The following SMYD5 variants were observed in gnomAD, a reference collection of about 807,000 sequenced individuals.
SMYD5 encodes the protein SMYD family member 5.
Under a neutral mutation model 57.4 loss-of-function variants are expected in SMYD5, and 35 were observed. The ratio of observed to expected loss-of-function variants is 0.61; its 90% CI spans 0.47 to 0.81. The LOEUF (loss-of-function observed/expected upper bound fraction) is 0.81, where lower values mean the gene tolerates loss of function less well. Ranked by LOEUF, SMYD5 falls within the 30% of genes least tolerant of loss-of-function variation. SMYD5 has a pLI of 0.00. For synonymous variants in SMYD5, 198 were observed against 189.7 expected, an observed-to-expected ratio of 1.04 and a Z score of -0.36; for missense variants, 471 against 527.9, an observed-to-expected ratio of 0.89 and a Z score of 1.06.
chr2:73,214,623 G>A lies in SMYD5; in HGVS notation c.96+261G>A, dbSNP rs557751946. ...GCCAGCCCGCGGGAGGCCCTTCTGT[G>A]GCTGCTCGGGGCGGGGCTAGGGGGC... On this transcript the variant is annotated intron_variant, in intron 1 of 12. Coordinates refer to ENST00000389501, the MANE Select transcript of SMYD5 (RefSeq NM_006062.3). The A allele has an allele frequency of 8.0e-6, 12 of 1,507,368 alleles. No individual in the cohort carries two copies. In the African/African-American group the frequency reaches 1.5e-4, roughly 19 times the overall value. 93.4% of individuals were successfully genotyped at this position (1,507,368 alleles called of 1,614,324 possible). A position where few individuals can be genotyped will look rare whatever the true frequency, so the allele number is the denominator to read the frequency against.
intron 11 of SMYD5, 166 bp from the exon 12 acceptor site, chr2:73,225,465 G>A: frequency 1.4e-6 from 1 of 695,582 alleles, no homozygotes; most frequent in Admixed American, 2.3e-5. Flanking sequence ...CCTGCCTACT[G>A]AAGGCACTGG....
In SMYD5 at chr2:73,218,957, T is replaced by C. The variant is rs2103711787; in HGVS notation, c.193T>C (p.Tyr65His). ...VAAQFLWNAL[Y>H]RYRACDHCLR... ...TGCACAGTTTCTCTGGAATGCACTT[T>C]ATCGCTACCGAGGTGAGTACATCTC... is the stretch of plus-strand genomic sequence containing the variant. The change falls in exon 2 of 13, where the codon TAT becomes CAT. Residue 65 changes from tyrosine to histidine, a missense_variant. By Grantham distance (83) the Tyr-to-His change is moderately conservative. Transcript: ENST00000389501. The C allele has an allele frequency of 6.2e-7, 1 of 1,612,840 alleles. No homozygotes were observed. The highest frequency in any genetic ancestry group is 2.2e-5 in the East Asian group (1 of 44,888).
intron 9 of SMYD5, 35 bp downstream of exon 9, chr2:73,223,567 T>C (rs895879771): frequency 7.2e-7 from 1 of 1,390,908 alleles, no homozygotes; most frequent in Non-Finnish European, 1.0e-6. Context: ...CACCCAGCCA[T>C]GGCGACCCCC....
At chr2:73,219,904 C>T (rs1325351412) in intron 2 of SMYD5, 147 bp from the exon 3 acceptor site, 1 of 917,282 alleles carries the variant, frequency 1.1e-6, no homozygotes, top group Non-Finnish European at 1.8e-6. Flanking sequence ...TTCATCCATG[C>T]ATGTAATTAT....
At chr2:73,215,445 C>T (rs542659051) in intron 1 of SMYD5, among the ~76,000 whole-genome samples, 199 of 152,256 alleles carry the variant, frequency 1.3e-3, no homozygotes, top group African/African-American at 4.7e-3. Flanking sequence ...TTCCGTGCCC[C>T]CTTTCTGCTC....
In SMYD5 at chr2:73,220,106, G is replaced by T; in HGVS notation, c.261G>T (p.Leu87=). 1 of 1,614,186 alleles carries T rather than the reference G, an allele frequency of 6.2e-7. No individual in the cohort carries two copies. Among genetic ancestry groups the T allele is most frequent in the Non-Finnish European group, 8.5e-7 (1 of 1,180,036 alleles). The part of the protein sequence containing the change: ...LEKAEENAQR[L]TGKPGQVLPH... ...AGGCAGAGGAGAATGCCCAGAGGCTGACCGGGAAACCAGGCCAGGTTCTGC... is the reference window on the plus strand; with the variant it reads ...AGGCAGAGGAGAATGCCCAGAGGCTTACCGGGAAACCAGGCCAGGTTCTGC... The change falls in exon 3 of 13, where the codon CTG becomes CTT. Residue 87 remains leucine (L), a synonymous_variant. Coordinates refer to ENST00000389501, the MANE Select transcript of SMYD5 (RefSeq NM_006062.3).
rs1407767411 is a variant in SMYD5, at chr2:73,226,957, C to T, written c.*1011C>T. On this transcript the variant is annotated 3_prime_UTR_variant, in exon 13 of 13. Coordinates refer to ENST00000389501, the MANE Select transcript of SMYD5 (RefSeq NM_006062.3). ...GTCCCCTCCTACCCCCAGATTAGCACCACCCCTCTCACTCTTGGGTTGGAT... is the reference window on the plus strand; with the variant it reads ...GTCCCCTCCTACCCCCAGATTAGCATCACCCCTCTCACTCTTGGGTTGGAT... 1.3e-5 allele frequency: 2 copies of T among 152,724 alleles called. No homozygotes were observed. The highest frequency in any genetic ancestry group is 3.9e-4 in the East Asian group (2 of 5,194). 9.5% of individuals were successfully genotyped at this position (152,724 alleles called of 1,614,324 possible). A position where few individuals can be genotyped will look rare whatever the true frequency, so the allele number is the denominator to read the frequency against.
At chr2:73,223,597 A>G in intron 9 of SMYD5, 65 bp downstream of exon 9, 1 of 1,119,524 alleles carries the variant, frequency 8.9e-7, no homozygotes, top group Non-Finnish European at 1.4e-6. Flanking sequence ...TGGTGGACAC[A>G]AAGTCTTTCC....
At chr2:73,214,574 C>A in intron 1 of SMYD5, 1 of 1,493,914 alleles carries the variant, frequency 6.7e-7, no homozygotes, top group South Asian at 1.3e-5. Context: ...AGTCTCCGTG[C>A]GCATTTCCTC....
rs754948317 is a variant in SMYD5, at chr2:73,220,709, C to T, written c.394C>T (p.His132Tyr). 1 of 1,614,072 alleles carries T rather than the reference C, an allele frequency of 6.2e-7. No homozygotes were observed. The highest frequency in any genetic ancestry group is 2.2e-5 in the East Asian group (1 of 44,892). ...ECRLAATEQY[H>Y]QVLCPGPSQD... The stretch of plus-strand genomic sequence containing the variant: ...TCGGTTGGCAGCCACTGAGCAATAC[C>T]ACCAGGTCCTGTGCCCAGGCCCCTC... Residue 132 changes from histidine to tyrosine, a missense_variant, in exon 4 of 13, where the codon CAC (histidine) becomes TAC (tyrosine). Transcript: ENST00000389501.
chr2:73,225,915 C>T lies in SMYD5; in HGVS notation c.1226C>T (p.Ala409Val). 6.2e-7 allele frequency: 1 copy of T among 1,614,072 alleles called. No homozygotes were observed. The highest frequency in any genetic ancestry group is 8.5e-7 in the Non-Finnish European group (1 of 1,179,936). Reference sequence around the variant, plus strand: ...GAGGAGGAAGGAGAGCCAGAAGATGCAGAGCTGGGGGATGAGATGACTGAT... The same window carrying T: ...GAGGAGGAAGGAGAGCCAGAAGATGTAGAGCTGGGGGATGAGATGACTGAT... ...EEEEEGEPED[A>V]ELGDEMTDV is the part of the protein sequence containing the mutation. The change falls in exon 13 of 13, where the codon GCA becomes GTA. Residue 409 changes from alanine to valine, a missense_variant. Physicochemically the swap from Ala to Val is moderately conservative, Grantham distance 64 (BLOSUM62 0). Coordinates refer to ENST00000389501, the MANE Select transcript of SMYD5 (RefSeq NM_006062.3).
At chr2:73,218,762 G>A (rs558821795) in intron 1 of SMYD5, 99 bp from the exon 2 acceptor site, 3 of 809,682 alleles carry the variant, frequency 3.7e-6, no homozygotes, top group Admixed American at 2.0e-5. Flanking sequence ...TCTCCTAAGA[G>A]TGAGGCATGT....
chr2:73,224,018 TGAG>T lies in SMYD5; in HGVS notation c.940+20_940+22del. ...TCAGAGCTGCTGTGAGTCATGGCGT[TGAG>T]GAGGGATGGTCCCAGGCGCTTCTGC... is the stretch of plus-strand genomic sequence containing the variant. On this transcript the variant is annotated intron_variant, in intron 10 of 12. Coordinates refer to ENST00000389501, the MANE Select transcript of SMYD5 (RefSeq NM_006062.3). 4 of 1,613,252 alleles carry T rather than the reference TGAG, an allele frequency of 2.5e-6. No individual in the cohort carries two copies. The highest frequency in any genetic ancestry group is 3.4e-6 in the Non-Finnish European group (4 of 1,179,192).
chr2:73,223,098 C>T lies in SMYD5; in HGVS notation c.768C>T (p.Ile256=), dbSNP rs760460690. 7 of 1,613,560 alleles carry T rather than the reference C, an allele frequency of 4.3e-6. No homozygotes were observed. The highest frequency in any genetic ancestry group is 1.6e-4 in the Middle Eastern group (1 of 6,084). ...FALVGTNGQG[I]GTSSLSQWVH... ...TTGTTGGGACCAATGGCCAAGGAATCGGGACCAGGTTAGAATGTTCCAGAG... is the reference window on the plus strand; with the variant it reads ...TTGTTGGGACCAATGGCCAAGGAATTGGGACCAGGTTAGAATGTTCCAGAG... The change falls in exon 8 of 13, where the codon ATC becomes ATT. Residue 256 remains isoleucine, a synonymous_variant. Coordinates refer to ENST00000389501, the MANE Select transcript of SMYD5 (RefSeq NM_006062.3).
At position 73,223,517 on chromosome 2, in the gene SMYD5, A is replaced by C. The variant is rs923771308; in HGVS notation, c.868A>C (p.Lys290Gln). The change falls in exon 9 of 13, where the codon AAG becomes CAG. Residue 290 changes from lysine to glutamine, a missense_variant. Transcript: ENST00000389501. ...QLDAFIDQLY[K>Q]DIEAATGEFL... ...TGACGCCTTCATTGACCAGCTATAC[A>C]AGGACATCGAGGCAGGTTGGTGAGA... The C allele has an allele frequency of 6.2e-7, 1 of 1,613,046 alleles. No individual in the cohort carries two copies. The highest frequency in any genetic ancestry group is 1.3e-5 in the African/African-American group (1 of 74,998).
In SMYD5 at chr2:73,214,647, G is replaced by C. The variant is rs1191119863; in HGVS notation, c.96+285G>C. On this transcript the variant is annotated intron_variant, in intron 1 of 12. Transcript: ENST00000389501. Reference sequence around the variant, plus strand: ...TGGCTGCTCGGGGCGGGGCTAGGGGGCTTTGCTGCTGTATCCCTGGAACGG... The same window carrying C: ...TGGCTGCTCGGGGCGGGGCTAGGGGCCTTTGCTGCTGTATCCCTGGAACGG... 3.4e-6 allele frequency: 5 copies of C among 1,489,104 alleles called. No homozygotes were observed. In the African/African-American group the frequency reaches 5.6e-5, roughly 17 times the overall value. The allele number at this position is 1,489,104 out of a possible 1,614,324, so 92.2% of individuals were successfully genotyped here. A position where few individuals can be genotyped will look rare whatever the true frequency, so the allele number is the denominator to read the frequency against.
chr2:73,225,215 T>C (rs1198690456), intron 11 of SMYD5: 2 of 497,012 alleles, frequency 4.0e-6, no homozygotes, highest in Non-Finnish European at 7.1e-6. Flanking sequence ...TCCCCAGCTA[T>C]CTTTTGGTCA....
In SMYD5 at chr2:73,227,153, C is replaced by A. The variant is rs1686525861; in HGVS notation, c.*1207C>A. The A allele has an allele frequency of 6.5e-6, 1 of 152,820 alleles. No individual in the cohort carries two copies. The highest frequency in any genetic ancestry group is 6.5e-5 in the Admixed American group (1 of 15,286). The allele number at this position is 152,820 out of a possible 1,614,324, so 9.5% of individuals were successfully genotyped here. A position where few individuals can be genotyped will look rare whatever the true frequency, so the allele number is the denominator to read the frequency against. The stretch of plus-strand genomic sequence containing the variant: ...GCCCCTTACCCATTGGGTTCTTACT[C>A]CTTCACAACGGTCAGCACTCCTCTC... On this transcript the variant is annotated 3_prime_UTR_variant, in exon 13 of 13. Coordinates refer to ENST00000389501, the MANE Select transcript of SMYD5 (RefSeq NM_006062.3).
At chr2:73,220,567 C>T in intron 3 of SMYD5, 94 bp from the exon 4 acceptor site, 1 of 1,453,392 alleles carries the variant, frequency 6.9e-7, no homozygotes, top group Admixed American at 1.7e-5. Flanking sequence ...TACATCTGAG[C>T]TACAGCTCAG....
Sources: gnomAD v4.1 joint callset for allele counts (sites outside exome capture counted in the v4.1 genomes callset) on GRCh38, gnomAD v4.1.1 for gene constraint, MANE v1.5 for transcripts, NCBI Gene and HGNC (gene_info 2026-07-23, HGNC 2026-07-21) for gene names.